Variants in OVCH2 observed in about 807,000 individuals in gnomAD.
OVCH2 encodes the protein ovochymase 2.
In OVCH2, 88 loss-of-function variants were observed where a neutral mutation model predicts 73.7. That is an observed-to-expected ratio of 1.19 (90% CI 1.01 to 1.43). The LOEUF (loss-of-function observed/expected upper bound fraction) is 1.43. Among genes scored for constraint, OVCH2 ranks in the 40% most tolerant of loss-of-function variants. OVCH2 has a pLI of 0.00. For synonymous variants in OVCH2, 265 were observed against 234.5 expected (o/e 1.13, Z -1.19); for missense variants, 706 against 674.5 (o/e 1.05, Z -0.52).
downstream of OVCH2, among the ~76,000 whole-genome samples, chr11:7,685,698 T>G (rs1048003882): frequency 8.4e-6 from 1 of 119,294 alleles, no homozygotes; most frequent in Non-Finnish European, 1.7e-5. Flanking sequence ...CACTATTCCC[T>G]AATTATTGCA....
intron 13 of OVCH2, 99 bp from the exon 14 acceptor site, chr11:7,691,499 G>A: frequency 7.1e-7 from 1 of 1,409,222 alleles, no homozygotes; most frequent in Non-Finnish European, 9.5e-7. Flanking sequence ...TCAGGTAATT[G>A]TTGAGAAATA....
the OVCH2 span, among the ~76,000 whole-genome samples, chr11:7,682,974 A>G: frequency 6.6e-6 from 1 of 152,112 alleles, no homozygotes; most frequent in Non-Finnish European, 1.5e-5. Flanking sequence ...CAATATCCTC[A>G]CATTGCTAAA....
At chr11:7,697,754 G>T (rs1029206131) in intron 8 of OVCH2, among the ~76,000 whole-genome samples, 3 of 151,886 alleles carry the variant, frequency 2.0e-5, no homozygotes, top group Non-Finnish European at 2.9e-5. Context: ...TATTGCCTTG[G>T]TTCAAACCTT....
chr11:7,687,353 CATA>C (rs1403939238), downstream of OVCH2, among the ~76,000 whole-genome samples: 2 of 150,604 alleles, frequency 1.3e-5, no homozygotes, highest in African/African-American at 4.9e-5. Flanking sequence ...AAGCCTAAGA[CATA>C]ATTTTGAGAA....
chr11:7,702,661 G>C (rs1413899866), intron 3 of OVCH2, among the ~76,000 whole-genome samples: 2 of 152,304 alleles, frequency 1.3e-5, no homozygotes, highest in East Asian at 3.9e-4. Flanking sequence ...GCTACCCTGG[G>C]AGGTTGACCT....
Position 7,704,651 on chromosome 11 carries a change from C to G in OVCH2, c.112G>C (p.Val38Leu). ...AAATAATTCCAAGGCTGTACCTTAA[C>G]CAGACTCTGCCCACAACTGGGAGCT... ...PKAPSCGQSL[V>L]KVQPWNYFNI... Residue 38 changes from valine to leucine, a missense_variant, in exon 2 of 16, where the codon GTT becomes CTT. Coordinates refer to ENST00000533663, the MANE Select transcript of OVCH2 (RefSeq NM_198185.7). 6.2e-7 allele frequency: 1 copy of G among 1,612,270 alleles called. No individual in the cohort carries two copies. The highest frequency in any genetic ancestry group is 8.5e-7 in the Non-Finnish European group (1 of 1,179,120).
the OVCH2 span, among the ~76,000 whole-genome samples, chr11:7,682,172 T>A: frequency 6.6e-6 from 1 of 152,228 alleles, no homozygotes; most frequent in Non-Finnish European, 1.5e-5. Flanking sequence ...ATAATCTTTT[T>A]ACAAACAATT....
At chr11:7,698,894 T>G (rs1856383787) in intron 7 of OVCH2, 121 bp from the exon 8 acceptor site, 2 of 1,013,970 alleles carry the variant, frequency 2.0e-6, no homozygotes, top group South Asian at 3.1e-5. Flanking sequence ...AATAAAAATC[T>G]TATCTGTGGA....
chr11:7,704,385 G>T (rs1342153682), intron 2 of OVCH2, among the ~76,000 whole-genome samples, 180 bp downstream of exon 2: 1 of 152,094 alleles, frequency 6.6e-6, no homozygotes, highest in Non-Finnish European at 1.5e-5. Context: ...ATTCTAAAAT[G>T]ACTTACTATG....
rs1291161345 is a variant in OVCH2, at chr11:7,695,305, G to A, written c.1283-117C>T. On this transcript the variant is annotated intron_variant, in intron 11 of 15. Coordinates refer to ENST00000533663, the MANE Select transcript of OVCH2 (RefSeq NM_198185.7). ...TATCAATTGCATTTTCAGACACTGC[G>A]AACAAGAAAAGACGTAGTGCATGAT... 83 of 1,278,126 alleles carry A rather than the reference G, an allele frequency of 6.5e-5. No individual in the cohort carries two copies. The Admixed American group carries it at 7.9e-4, about 12-fold the overall frequency. The allele number at this position is 1,278,126 out of a possible 1,614,324, so 79.2% of individuals were successfully genotyped here.
chr11:7,695,286 T>G (rs1277945835), intron 11 of OVCH2, 98 bp from the exon 12 acceptor site: 4 of 1,360,450 alleles, frequency 2.9e-6, no homozygotes, highest in Non-Finnish European at 4.0e-6. Context: ...TGCATATCAA[T>G]TGCATTTTCA....
At chr11:7,693,593 A>C (rs1856262575) in intron 12 of OVCH2, among the ~76,000 whole-genome samples, 1 of 152,096 alleles carries the variant, frequency 6.6e-6, no homozygotes, top group Non-Finnish European at 1.5e-5. Context: ...TTCTTCCTCC[A>C]CCTGGAAACA....
intron 15 of OVCH2, 153 bp downstream of exon 15, chr11:7,689,771 C>A: frequency 1.4e-6 from 1 of 693,646 alleles, no homozygotes; most frequent in Non-Finnish European, 2.6e-6. Flanking sequence ...CTGTAACAAC[C>A]CTATCTCTAA....
Position 7,698,766 on chromosome 11 carries a change from C to T in OVCH2, c.909G>A (p.Arg303=), listed in dbSNP as rs1856380998. ...WIHEHIQTGN[R]RKSSRAWCSE... Reference sequence around the variant, plus strand: ...GATACCCACCTCTGGAGCTCTTTCTCCGATTACCTGGGAAAGGAAAAGAAG... The same window carrying T: ...GATACCCACCTCTGGAGCTCTTTCTTCGATTACCTGGGAAAGGAAAAGAAG... The change falls in exon 8 of 16, where the codon CGG becomes CGA. Residue 303 remains arginine (R), a synonymous_variant. Coordinates refer to ENST00000533663, the MANE Select transcript of OVCH2 (RefSeq NM_198185.7). The T allele has an allele frequency of 1.9e-6, 3 of 1,612,738 alleles. No homozygotes were observed. Among genetic ancestry groups the T allele is most frequent in the African/African-American group, 1.3e-5 (1 of 74,972 alleles).
Position 7,695,710 on chromosome 11 carries a change from C to G in OVCH2, c.1142G>C (p.Gly381Ala), listed in dbSNP as rs3925028. 1.3e-6 allele frequency: 2 copies of G among 1,589,670 alleles called. No individual in the cohort carries two copies. Among genetic ancestry groups the G allele is most frequent in the Admixed American group, 3.5e-5 (2 of 57,882 alleles). The part of the protein sequence containing the change: ...SMYSLEDRPI[G>A]KFCGESLPSS... ...AGGGAGGCTTTCTCCACAAAATTTT[C>G]CTGCAGGATGAGAAAAAAGGATTCT... Residue 381 changes from glycine to alanine, a missense_variant and splice_region_variant, in exon 11 of 16, where the codon GGA (glycine) becomes GCA (alanine). Gly to Ala is a moderately conservative substitution (Grantham distance 60, BLOSUM62 0). Transcript: ENST00000533663.
Position 7,691,378 on chromosome 11 carries a change from G to A in OVCH2, c.1530C>T (p.Val510=), listed in dbSNP as rs879150217. The A allele has an allele frequency of 6.2e-7, 1 of 1,613,604 alleles. No homozygotes were observed. Among genetic ancestry groups the A allele is most frequent in the Non-Finnish European group, 8.5e-7 (1 of 1,179,710 alleles). The change falls in exon 14 of 16, where the codon GTC becomes GTT. Residue 510 remains valine, a synonymous_variant. Coordinates refer to ENST00000533663, the MANE Select transcript of OVCH2 (RefSeq NM_198185.7). ...TGGAGGGGCTCAGCACAGGGGTGGG[G>A]ACATCATAGCCACACAGCCGAGCTT... is the stretch of plus-strand genomic sequence containing the variant. The part of the protein sequence containing the change: ...KEIARLCGYD[V]PTPVLSPSSI...
chr11:7,686,953 C>G (rs1019299480), downstream of OVCH2, among the ~76,000 whole-genome samples: 1 of 152,206 alleles, frequency 6.6e-6, no homozygotes, highest in Admixed American at 6.5e-5. Flanking sequence ...CAGCAGGAAT[C>G]GTTGCCCGCA....
intron 14 of OVCH2, 126 bp downstream of exon 14, chr11:7,691,143 T>C: frequency 8.3e-7 from 1 of 1,204,018 alleles, no homozygotes; most frequent in Admixed American, 2.2e-5. Context: ...CCATGGTGAC[T>C]TGATAGGATG....
downstream of OVCH2, among the ~76,000 whole-genome samples, chr11:7,686,999 T>TA (rs1172175051): frequency 1.3e-5 from 2 of 152,164 alleles, no homozygotes; most frequent in East Asian, 3.9e-4. Flanking sequence ...GAGAGAAACA[T>TA]ACCATACTCC....
Sources: allele counts gnomAD v4.1 joint callset (sites outside exome capture counted in the v4.1 genomes callset), GRCh38; gene constraint gnomAD v4.1.1; transcripts MANE v1.5; gene names NCBI Gene and HGNC (gene_info 2026-07-23, HGNC 2026-07-21).